The following MREG variants were observed in gnomAD, a reference collection of about 807,000 sequenced individuals.
MREG encodes melanoregulin.
MREG carries 31 observed loss-of-function variants against 28.5 expected under a neutral mutation model. That is an observed-to-expected ratio of 1.09 (90% CI 0.82 to 1.47). The LOEUF is 1.47. MREG is among the 40% of genes most tolerant of loss of function. The pLI is 0.00. For synonymous variants in MREG, 106 were observed against 95.2 expected, an observed-to-expected ratio of 1.11 and a Z score of -0.66; for missense variants, 256 against 257.4, an observed-to-expected ratio of 0.99 and a Z score of 0.04.
At position 216,010,354 on chromosome 2, in the gene MREG, CTTTT is replaced by C. The variant is rs1164326774; in HGVS notation, c.95+2875_95+2878del. ...TAGAACTGTGAAAGAAAAGATTTCT[CTTTT>C]TTTTTTTTTTTTTTTTTGAGACGGA... On this transcript the variant is annotated intron_variant, in intron 1 of 4. Transcript: ENST00000263268. 1.1e-4 allele frequency among the ~76,000 whole-genome samples: 10 copies of C among 94,376 alleles called. No homozygotes were observed. In the South Asian group the frequency reaches 2.0e-3, roughly 19 times the overall value. 61.9% of individuals were successfully genotyped at this position (94,376 alleles called of 152,430 possible).
intron 2 of MREG, among the ~76,000 whole-genome samples, chr2:215,964,351 G>T (rs950989593): frequency 3.3e-5 from 5 of 152,002 alleles, no homozygotes; most frequent in Non-Finnish European, 7.4e-5. Context: ...TGGCATGGAG[G>T]CACACATCTG....
At chr2:216,028,823 TAAC>T (rs1284093092) in intron 1 of MREG, among the ~76,000 whole-genome samples, 2 of 152,052 alleles carry the variant, frequency 1.3e-5, no homozygotes, top group African/African-American at 2.4e-5. Context: ...TAATTGTCTA[TAAC>T]AACAGTAGGA....
intron 2 of MREG, among the ~76,000 whole-genome samples, chr2:215,954,445 A>AACAAACACACACACAC (rs1553547417): frequency 0.025 from 3,416 of 136,544 alleles, 73 homozygotes; most frequent in Admixed American, 0.044. Context: ...ATCTGTGTAC[A>AACAAACACACACACAC]ACACACACAC....
At position 216,028,513 on chromosome 2, in the gene MREG, G is replaced by A. The variant is rs1384268939; in HGVS notation, c.-68+4276C>T. Among the ~76,000 whole-genome samples, 5 of 116,138 alleles carry A rather than the reference G, an allele frequency of 4.3e-5. No homozygotes were observed. The Admixed American group carries it at 5.6e-4, about 13-fold the overall frequency. 76.2% of individuals were successfully genotyped at this position (116,138 alleles called of 152,430 possible). A position where few individuals can be genotyped will look rare whatever the true frequency, so the allele number is the denominator to read the frequency against. ...ACTGCACTCCAGCCTGGGCAACACA[G>A]CAAGACTCCATCTCAAAAAAAAAAA... is the stretch of plus-strand genomic sequence containing the variant. On this transcript the variant is annotated intron_variant, in intron 1 of 3. Transcript: ENST00000420348.
At chr2:216,013,180 C>T in intron 1 of MREG, 53 bp downstream of exon 1, 1 of 1,501,326 alleles carries the variant, frequency 6.7e-7, no homozygotes, top group South Asian at 1.2e-5. Context: ...ACACTCTCGG[C>T]GCCCGGCTAC....
intron 2 of MREG, among the ~76,000 whole-genome samples, chr2:215,981,958 T>C (rs1693437999): frequency 6.6e-6 from 1 of 152,194 alleles, no homozygotes; most frequent in South Asian, 2.1e-4. Context: ...CTGGCCTACA[T>C]CAGGTTTGCC....
intron 1 of MREG, among the ~76,000 whole-genome samples, chr2:215,996,690 G>A (rs910491656): frequency 2.0e-5 from 3 of 151,980 alleles, no homozygotes; most frequent in Admixed American, 6.6e-5. Flanking sequence ...GAGAACAGAC[G>A]TACCTGAGCA....
At chr2:215,981,138 A>G (rs1693418659) in intron 2 of MREG, among the ~76,000 whole-genome samples, 2 of 152,188 alleles carry the variant, frequency 1.3e-5, no homozygotes, top group African/African-American at 4.8e-5. Context: ...CTATGATCCA[A>G]CAATTCCACT....
chr2:215,979,291 C>T (rs1693346513), intron 2 of MREG, among the ~76,000 whole-genome samples: 1 of 151,806 alleles, frequency 6.6e-6, no homozygotes, highest in African/African-American at 2.4e-5. Context: ...TGGAGAAACC[C>T]CATCTCTACT....
intron 2 of MREG, among the ~76,000 whole-genome samples, chr2:215,959,344 T>C (rs199990117): frequency 3.7e-5 from 1 of 26,950 alleles, no homozygotes; most frequent in Non-Finnish European, 8.8e-5. Context: ...GACTCCATCA[T>C]CCTAAGTCAC....
chr2:215,997,722 G>T lies in MREG; in HGVS notation c.96-1257C>A, dbSNP rs117237900. Among the ~76,000 whole-genome samples, 88 of 152,318 alleles carry T rather than the reference G, an allele frequency of 5.8e-4. 2 individuals are homozygous for T. In the East Asian group the frequency reaches 0.016, roughly 28 times the overall value. On this transcript the variant is annotated intron_variant, in intron 1 of 4. Coordinates refer to ENST00000263268, the MANE Select transcript of MREG (RefSeq NM_018000.3). ...AGAGAAAATCCTTATGAAGGCAGGCGTCAGGTAGGTGTCATGAAGAAGAGG... is the reference window on the plus strand; with the variant it reads ...AGAGAAAATCCTTATGAAGGCAGGCTTCAGGTAGGTGTCATGAAGAAGAGG...
At chr2:215,962,923 C>T (rs1253040072) in intron 2 of MREG, among the ~76,000 whole-genome samples, 1 of 152,126 alleles carries the variant, frequency 6.6e-6, no homozygotes, top group Non-Finnish European at 1.5e-5. Flanking sequence ...ATTGCTTGAG[C>T]CCAGGAGTTT....
chr2:216,031,835 TA>T (rs1291266373), intron 1 of MREG, among the ~76,000 whole-genome samples: 1 of 152,226 alleles, frequency 6.6e-6, no homozygotes, highest in East Asian at 1.9e-4. Context: ...GTCTCACAGC[TA>T]AATCTCGCAG....
At chr2:215,949,425 G>A (rs1692427227) in intron 2 of MREG, among the ~76,000 whole-genome samples, 1 of 151,750 alleles carries the variant, frequency 6.6e-6, no homozygotes, top group South Asian at 2.1e-4. Flanking sequence ...GCCGGGTGTG[G>A]TGGTGTGTGC....
intron 2 of MREG, among the ~76,000 whole-genome samples, chr2:215,987,237 G>A (rs1693595805): frequency 6.6e-6 from 1 of 151,288 alleles, no homozygotes; most frequent in African/African-American, 2.4e-5. Context: ...CATTTTAGAA[G>A]AAAACATAAG....
At chr2:215,994,179 T>C (rs776625238) in intron 2 of MREG, among the ~76,000 whole-genome samples, 1 of 152,022 alleles carries the variant, frequency 6.6e-6, no homozygotes, top group Non-Finnish European at 1.5e-5. Flanking sequence ...CCATCAATGA[T>C]AGACTGCATA....
intron 1 of MREG, among the ~76,000 whole-genome samples, chr2:216,030,938 TCTCTCTCTCTCTCTCTCTCA>T (rs1322077902): frequency 7.8e-4 from 40 of 50,988 alleles, no homozygotes; most frequent in African/African-American, 2.0e-3. Context: ...TCTCTCTCTC[TCTCTCTCTCTCTCTCTCTCA>T]CACACACACA....
intron 1 of MREG, among the ~76,000 whole-genome samples, chr2:216,005,809 C>T (rs1694138305): frequency 7.3e-6 from 1 of 136,126 alleles, no homozygotes; most frequent in Non-Finnish European, 1.5e-5. Context: ...TGTAATATCA[C>T]ACATTGGAAC....
chr2:215,980,550 T>C (rs1395204959), intron 2 of MREG, among the ~76,000 whole-genome samples: 1 of 152,216 alleles, frequency 6.6e-6, no homozygotes, highest in Non-Finnish European at 1.5e-5. Flanking sequence ...GGCCCACAGT[T>C]TCAGTGCATC....
Sources: allele counts gnomAD v4.1 joint callset (sites outside exome capture counted in the v4.1 genomes callset), GRCh38; gene constraint gnomAD v4.1.1; transcripts MANE v1.5; gene names NCBI Gene and HGNC (gene_info 2026-07-23, HGNC 2026-07-21).